Variants in DRP2 observed in about 807,000 individuals in gnomAD.
DRP2 encodes dystrophin related protein 2.
Under a neutral mutation model 78.2 loss-of-function variants are expected in DRP2, and 29 were observed. That is an observed-to-expected ratio of 0.37 (90% confidence interval 0.28 to 0.51). DRP2 has a LOEUF of 0.51. DRP2 is among the 20% of genes least tolerant of loss of function. The pLI, the probability that DRP2 is intolerant of heterozygous loss-of-function variation, is 0.94. For missense variants in DRP2, 686 were observed against 770.6 expected (o/e 0.89, Z 1.30); for synonymous variants, 290 against 281.9 (o/e 1.03, Z -0.29).
chrX:101,241,482 AC>A (rs1158151760), intron 6 of DRP2, among the ~76,000 whole-genome samples, 185 bp from the exon 7 acceptor site: 8 of 111,624 alleles, frequency 7.2e-5, no homozygotes, highest in South Asian at 7.5e-4. Flanking sequence ...TTTAAAAAAA[AC>A]GTGACTGTAT....
rs184535313 is a variant in DRP2, at chrX:101,237,104, G to A, written c.282-515G>A. 1.2e-4 allele frequency among the ~76,000 whole-genome samples: 13 copies of A among 111,549 alleles called. No homozygotes were observed. In the East Asian group the frequency reaches 1.7e-3, roughly 15 times the overall value. Reference sequence around the variant, plus strand: ...TTGGGTCCCAAGGACTGTTATATTCGTATGCATCCTTGCACATGTGCATGC... The same window carrying A: ...TTGGGTCCCAAGGACTGTTATATTCATATGCATCCTTGCACATGTGCATGC... On this transcript the variant is annotated intron_variant, in intron 4 of 23. Coordinates refer to ENST00000395209, the MANE Select transcript of DRP2 (RefSeq NM_001939.3).
At chrX:101,223,487 A>T (rs955945995) in intron 1 of DRP2, among the ~76,000 whole-genome samples, 1 of 111,745 alleles carries the variant, frequency 8.9e-6, no homozygotes, top group Non-Finnish European at 1.9e-5. Context: ...AGGTACTGTG[A>T]TCATTCTTGT....
intron 2 of DRP2, among the ~76,000 whole-genome samples, chrX:101,228,434 G>A (rs1335388402): frequency 8.9e-6 from 1 of 111,886 alleles, no homozygotes; most frequent in Non-Finnish European, 1.9e-5. Context: ...GAATAATTCT[G>A]TGAGGATGCT....
Position 101,258,459 on chromosome X carries a change from C to T in DRP2, c.2541C>T (p.Ser847=). 8.3e-7 allele frequency: 1 copy of T among 1,202,019 alleles called. No homozygotes were observed. The highest frequency in any genetic ancestry group is 1.7e-5 in the African/African-American group (1 of 57,719). ...AEARILRQHK[S]RLETRMQILE... is the part of the protein sequence containing the mutation. The stretch of plus-strand genomic sequence containing the variant: ...CCCGTATCCTTCGGCAACATAAGAG[C>T]CGCCTGGAGACGCGCATGCAGATCC... The change falls in exon 22 of 24, where the codon AGC becomes AGT. Residue 847 remains serine, a synonymous_variant. Coordinates refer to ENST00000395209, the MANE Select transcript of DRP2 (RefSeq NM_001939.3).
chrX:101,233,919 C>G (rs942262282), intron 3 of DRP2, among the ~76,000 whole-genome samples: 2 of 112,092 alleles, frequency 1.8e-5, no homozygotes, highest in Non-Finnish European at 3.8e-5. Flanking sequence ...GGCTCTCCCT[C>G]CACTCCTCTC....
chrX:101,238,986 T>A lies in DRP2; in HGVS notation c.444T>A (p.Phe148Leu). ...CATATTGCTAAACTTTATAGGCCTT[T>A]ATGGAAGAAGTCAAGTCTCGGGGCC... ...VQQEKETHAAFMEEVKSRGPY... is the reference protein window; with the variant it reads ...VQQEKETHAALMEEVKSRGPY... The change falls in exon 6 of 24, where the codon TTT (phenylalanine) becomes TTA (leucine). Residue 148 changes from phenylalanine to leucine, a missense_variant. Phe to Leu is a conservative substitution (Grantham distance 22, BLOSUM62 0). Around this residue, in one of 2 missense-constraint regions of DRP2, gnomAD observed 263 missense variants for 239.1 expected, o/e 1.10. Transcript: ENST00000395209. The A allele has an allele frequency of 8.3e-7, 1 of 1,210,105 alleles. No individual in the cohort carries two copies. Among genetic ancestry groups the A allele is most frequent in the Non-Finnish European group, 1.1e-6 (1 of 894,681 alleles).
chrX:101,228,504 C>T (rs1922196174), intron 2 of DRP2, among the ~76,000 whole-genome samples: 1 of 111,632 alleles, frequency 9.0e-6, no homozygotes, highest in South Asian at 3.8e-4. Context: ...GTTAACTTGT[C>T]CTGGACCACA....
chrX:101,233,609 T>C (rs1175588316), intron 3 of DRP2, among the ~76,000 whole-genome samples: 1 of 112,095 alleles, frequency 8.9e-6, no homozygotes, highest in Non-Finnish European at 1.9e-5. Context: ...TGCTGAGGGA[T>C]GGGGGACCAG....
rs747521217 is a variant in DRP2 at position 101,247,137 on chromosome X, C to T, written c.1225C>T (p.Leu409Phe). Residue 409 changes from leucine to phenylalanine, a missense_variant, in exon 12 of 24, where the codon CTC becomes TTC. Physicochemically the swap from Leu to Phe is conservative, Grantham distance 22. Around this residue, in one of 2 missense-constraint regions of DRP2, gnomAD observed 423 missense variants for 531.5 expected, o/e 0.80. Transcript: ENST00000395209. The part of the protein sequence containing the change: ...KFSAYRTAMK[L>F]RRVQKALRLD... Reference sequence around the variant, plus strand: ...CTCAGCTTATCGCACTGCCATGAAACTCCGCAGAGTCCAGAAAGCCCTGCG... The same window carrying T: ...CTCAGCTTATCGCACTGCCATGAAATTCCGCAGAGTCCAGAAAGCCCTGCG... The T allele has an allele frequency of 8.3e-7, 1 of 1,210,874 alleles. No homozygotes were observed.
rs1225234566 is a variant in DRP2 at position 101,236,005 on chromosome X, A to G, written c.263A>G (p.Lys88Arg). Residue 88 changes from lysine (K) to arginine (R), a missense_variant, in exon 4 of 24, where the codon AAG becomes AGG. Transcript: ENST00000395209. ...AATCTGTGTTGGAATGAAATAAAAA[A>G]GAAGTCTCACAACCTCCGGTAAGAA... The part of the protein sequence containing the change: ...AMNLCWNEIK[K>R]KSHNLRARLE... 2 of 1,210,473 alleles carry G rather than the reference A, an allele frequency of 1.7e-6. No homozygotes were observed. The highest frequency in any genetic ancestry group is 2.2e-6 in the Non-Finnish European group (2 of 895,337).
chrX:101,236,998 C>T (rs1300499642), intron 4 of DRP2, among the ~76,000 whole-genome samples: 1 of 111,245 alleles, frequency 9.0e-6, no homozygotes, highest in Non-Finnish European at 1.9e-5. Flanking sequence ...TGGAGGGCAG[C>T]GGGGTAGGAG....
chrX:101,260,670 T>A lies in DRP2; in HGVS notation c.*49T>A, dbSNP rs1192829607. ...GTTCATAGTCCTCTCCTGGTTCCGGTCAAAGCCTTTCCTCAGCCTTCACCC... is the reference window on the plus strand; with the variant it reads ...GTTCATAGTCCTCTCCTGGTTCCGGACAAAGCCTTTCCTCAGCCTTCACCC... On this transcript the variant is annotated 3_prime_UTR_variant, in exon 24 of 24. Coordinates refer to ENST00000395209, the MANE Select transcript of DRP2 (RefSeq NM_001939.3). 6.9e-6 allele frequency: 8 copies of A among 1,165,351 alleles called. No homozygotes were observed. In the South Asian group the frequency reaches 1.7e-4, roughly 24 times the overall value.
chrX:101,232,360 C>T (rs766853579), intron 3 of DRP2, among the ~76,000 whole-genome samples: 3 of 111,033 alleles, frequency 2.7e-5, no homozygotes, highest in Non-Finnish European at 3.8e-5. Flanking sequence ...CCCCCTTTCC[C>T]GACAATGAGG....
chrX:101,247,638 G>A (rs1403464472), intron 12 of DRP2, among the ~76,000 whole-genome samples: 1 of 111,596 alleles, frequency 9.0e-6, no homozygotes, highest in African/African-American at 3.3e-5. Flanking sequence ...AGCATTTGGG[G>A]GTAATTAAGA....
chrX:101,226,010 G>C (rs949435125), intron 2 of DRP2, among the ~76,000 whole-genome samples: 3 of 111,744 alleles, frequency 2.7e-5, no homozygotes, highest in African/African-American at 9.8e-5. Flanking sequence ...CTTCTCCAAT[G>C]GTAACAGGCT....
chrX:101,236,834 A>C (rs1460048021), intron 4 of DRP2, among the ~76,000 whole-genome samples: 1 of 111,947 alleles, frequency 8.9e-6, no homozygotes, highest in Non-Finnish European at 1.9e-5. Flanking sequence ...TTTTGTAAGA[A>C]TTAGTTGAAG....
At chrX:101,243,072 C>A in intron 9 of DRP2, 90 bp downstream of exon 9, 1 of 822,754 alleles carries the variant, frequency 1.2e-6, no homozygotes, top group East Asian at 3.2e-5. Flanking sequence ...TGGTGGGAGC[C>A]CAGTATACCT....
In DRP2 at chrX:101,264,384, G is replaced by A. The variant is rs1240106740; in HGVS notation, c.*3763G>A. 2.7e-5 allele frequency: 3 copies of A among 111,855 alleles called. No individual in the cohort carries two copies. The highest frequency in any genetic ancestry group is 9.8e-5 in the African/African-American group (3 of 30,760). The allele number at this position is 111,855 out of a possible 1,213,427, so 9.2% of individuals were successfully genotyped here. ...GACAAGGGTGGCATGGAAGTCTAGG[G>A]GACAAAGGGACAGGGTTGGGAACAA... On this transcript the variant is annotated 3_prime_UTR_variant, in exon 24 of 24. Coordinates refer to ENST00000395209, the MANE Select transcript of DRP2 (RefSeq NM_001939.3).
At chrX:101,252,743 G>A (rs373917563) in intron 17 of DRP2, 27 bp downstream of exon 17, 29 of 1,137,018 alleles carry the variant, frequency 2.6e-5, no homozygotes, top group Non-Finnish European at 3.5e-5. Context: ...CTGGGTGGGA[G>A]GGTTAGGCAG....
Sources: gnomAD v4.1 joint callset for allele counts (sites outside exome capture counted in the v4.1 genomes callset) on GRCh38, gnomAD v4.1.1 for gene constraint, gnomAD v4.1.1 regional missense constraint, MANE v1.5 for transcripts, NCBI Gene and HGNC (gene_info 2026-07-23, HGNC 2026-07-21) for gene names.